Variants in DLG2 observed in about 807,000 individuals in gnomAD.
DLG2 encodes the protein discs large MAGUK scaffold protein 2.
Under a neutral mutation model 132.5 loss-of-function variants are expected in DLG2, and 45 were observed. That is an observed-to-expected ratio of 0.34 (90% CI 0.27 to 0.44). The LOEUF (loss-of-function observed/expected upper bound fraction) is 0.44, where lower values mean the gene tolerates loss of function less well. DLG2 is among the 20% of genes least tolerant of loss of function. The pLI, the probability that DLG2 is intolerant of heterozygous loss-of-function variation, is 1.00. For synonymous variants in DLG2, 424 were observed against 419.6 expected (o/e 1.01, Z -0.13); for missense variants, 1,045 against 1,196.9 (o/e 0.87, Z 1.87).
chr11:84,509,375 G>A (rs1470906977), intron 7 of DLG2, among the ~76,000 whole-genome samples: 2 of 152,132 alleles, frequency 1.3e-5, no homozygotes, highest in Non-Finnish European at 2.9e-5. Context: ...CAAACTTACT[G>A]TTCCCATTTA....
At chr11:85,607,611 C>T (rs2080672228) in intron 2 of DLG2, among the ~76,000 whole-genome samples, 1 of 152,144 alleles carries the variant, frequency 6.6e-6, no homozygotes, top group African/African-American at 2.4e-5. Context: ...ACTCTGTTAC[C>T]TTCTTTTGGC....
At chr11:85,240,925 T>G (rs2075846582) in intron 4 of DLG2, among the ~76,000 whole-genome samples, 1 of 151,768 alleles carries the variant, frequency 6.6e-6, no homozygotes, top group Non-Finnish European at 1.5e-5. Flanking sequence ...ATAAAAATCT[T>G]AAACAAGGTT....
At chr11:83,618,160 T>C (rs1211095334) in intron 19 of DLG2, among the ~76,000 whole-genome samples, 1 of 152,214 alleles carries the variant, frequency 6.6e-6, no homozygotes. Context: ...GTTAATGTGA[T>C]TTTCTAATGT....
chr11:85,060,505 ATGTG>A (rs547204773), intron 6 of DLG2, among the ~76,000 whole-genome samples: 1 of 150,398 alleles, frequency 6.6e-6, no homozygotes, highest in African/African-American at 2.4e-5. Context: ...GCATATGTAT[ATGTG>A]TGTGTGTGTA....
intron 11 of DLG2, among the ~76,000 whole-genome samples, chr11:84,012,845 T>A (rs937610889): frequency 6.6e-6 from 1 of 152,098 alleles, no homozygotes; most frequent in African/African-American, 2.4e-5. Context: ...CCGCTCCAGG[T>A]CCATGCATAT....
At chr11:84,594,018 A>AT (rs752337598) in intron 6 of DLG2, among the ~76,000 whole-genome samples, 128 of 152,076 alleles carry the variant, frequency 8.4e-4, no homozygotes, top group Non-Finnish European at 1.4e-3. Context: ...ATGCCAATAC[A>AT]TTTTTTTTAA....
chr11:83,878,203 T>C (rs1012265261), intron 15 of DLG2, among the ~76,000 whole-genome samples: 5 of 152,186 alleles, frequency 3.3e-5, no homozygotes, highest in Non-Finnish European at 7.4e-5. Context: ...TACAAAGTCA[T>C]GTGTGCTTTC....
At chr11:84,771,321 G>A (rs550357809) in intron 6 of DLG2, among the ~76,000 whole-genome samples, 1 of 152,272 alleles carries the variant, frequency 6.6e-6, no homozygotes, top group South Asian at 2.1e-4. Context: ...TCTAATTGGT[G>A]TGAGATGGTA....
intron 18 of DLG2, among the ~76,000 whole-genome samples, chr11:83,651,087 T>C (rs957223216): frequency 3.9e-5 from 6 of 152,220 alleles, no homozygotes; most frequent in Admixed American, 2.0e-4. Context: ...CTGTTTCCCC[T>C]GCCAGCCTAA....
At chr11:85,324,529 T>C (rs2081304437) in intron 3 of DLG2, among the ~76,000 whole-genome samples, 1 of 152,124 alleles carries the variant, frequency 6.6e-6, no homozygotes, top group Admixed American at 6.5e-5. Context: ...TTATTAAACT[T>C]TCGGAGCATC....
intron 16 of DLG2, among the ~76,000 whole-genome samples, chr11:83,851,662 C>T (rs1175818752): frequency 1.3e-5 from 2 of 151,344 alleles, no homozygotes; most frequent in Admixed American, 6.6e-5. Context: ...TGGCTCTTGC[C>T]TGTAATCCCA....
At chr11:84,440,528 C>A (rs763329234) in intron 7 of DLG2, among the ~76,000 whole-genome samples, 3 of 152,164 alleles carry the variant, frequency 2.0e-5, no homozygotes, top group Non-Finnish European at 4.4e-5. Flanking sequence ...AAGGTGGCAG[C>A]TTCCTACAGT....
At chr11:84,499,708 CTCTT>C (rs2099196934) in intron 7 of DLG2, among the ~76,000 whole-genome samples, 1 of 151,952 alleles carries the variant, frequency 6.6e-6, no homozygotes, top group African/African-American at 2.4e-5. Flanking sequence ...TCACTGTTCT[CTCTT>C]TCTGTCTCTC....
Position 83,484,213 on chromosome 11 carries a change from G to T in DLG2, c.2209C>A (p.Arg737Ser). ...CGTGAAAAGATGAAGCTCTTTTTAC[G>T]CTTGTCATTGAATGACTGTGAAGGA... The part of the protein sequence containing the change: ...IDSKGSFNDK[R>S]KKSFIFSRKF... The change falls in exon 22 of 28, where the codon CGT becomes AGT. Residue 737 changes from arginine to serine, a missense_variant. Transcript: ENST00000376104. 1 of 1,612,914 alleles carries T rather than the reference G, an allele frequency of 6.2e-7. No homozygotes were observed. Among genetic ancestry groups the T allele is most frequent in the African/African-American group, 1.3e-5 (1 of 74,904 alleles).
intron 19 of DLG2, among the ~76,000 whole-genome samples, chr11:83,595,798 T>C (rs1334900531): frequency 6.6e-6 from 1 of 152,190 alleles, no homozygotes. Flanking sequence ...AAAGAATGGA[T>C]GACAAGAGTT....
At chr11:84,809,751 T>A (rs2076366317) in intron 6 of DLG2, among the ~76,000 whole-genome samples, 1 of 152,002 alleles carries the variant, frequency 6.6e-6, no homozygotes, top group Non-Finnish European at 1.5e-5. Flanking sequence ...CCAAACAATT[T>A]TATTCTGAAG....
intron 3 of DLG2, among the ~76,000 whole-genome samples, chr11:85,477,630 T>C (rs1258499144): frequency 6.6e-6 from 1 of 152,214 alleles, no homozygotes; most frequent in Non-Finnish European, 1.5e-5. Context: ...GTATGTATAA[T>C]CAGGGCTGAT....
intron 3 of DLG2, among the ~76,000 whole-genome samples, chr11:85,354,359 T>C (rs1293008896): frequency 2.0e-5 from 3 of 152,142 alleles, no homozygotes; most frequent in African/African-American, 7.2e-5. Context: ...TTTATTTATA[T>C]ATATAATCAC....
At chr11:84,691,494 A>G (rs1365479769) in intron 6 of DLG2, among the ~76,000 whole-genome samples, 2 of 151,900 alleles carry the variant, frequency 1.3e-5, no homozygotes, top group Non-Finnish European at 2.9e-5. Context: ...AGCATTTTAT[A>G]TACACTTATA....
Sources: gnomAD v4.1 joint callset for allele counts (sites outside exome capture counted in the v4.1 genomes callset) on GRCh38, gnomAD v4.1.1 for gene constraint, MANE v1.5 for transcripts, NCBI Gene and HGNC (gene_info 2026-07-23, HGNC 2026-07-21) for gene names.